ANK3: variants seen among roughly 807,000 people sequenced by gnomAD.
ANK3 encodes the protein ankyrin 3.
A neutral mutation model predicts 370.9 loss-of-function variants in ANK3; 57 were observed. The ratio of observed to expected loss-of-function variants is 0.15; its 90% CI spans 0.12 to 0.19. The LOEUF is 0.19. ANK3 is among the 10% of genes least tolerant of loss of function. The pLI, the probability that ANK3 is intolerant of heterozygous loss-of-function variation, is 1.00. For synonymous variants in ANK3, 1,929 were observed against 1,946.3 expected (o/e 0.99, Z 0.23); for missense variants, 4,439 against 5,302.1 (o/e 0.84, Z 5.06).
At position 60,325,753 on chromosome 10, in the gene ANK3, A is replaced by T. The variant is rs149549736; in HGVS notation, c.115-46114T>A. Among the ~76,000 whole-genome samples, 761 of 152,324 alleles carry T rather than the reference A, an allele frequency of 5.0e-3. 6 individuals carry two copies. Among genetic ancestry groups the T allele is most frequent in the African/African-American group, 0.018 (734 of 41,570 alleles). The stretch of plus-strand genomic sequence containing the variant: ...CTCAAAGACCTAAAGCAGAAACATC[A>T]TTTGACCCAGCAATCCCATTACTGG... On this transcript the variant is annotated intron_variant, in intron 1 of 43. Transcript: ENST00000280772.
At chr10:60,206,535 G>A (rs373610880) in intron 10 of ANK3, among the ~76,000 whole-genome samples, 1 of 151,928 alleles carries the variant, frequency 6.6e-6, no homozygotes, top group Non-Finnish European at 1.5e-5. Flanking sequence ...GACTGAAAAC[G>A]TCTGGCCCCA....
intron 1 of ANK3, among the ~76,000 whole-genome samples, chr10:60,347,891 A>G (rs1286777668): frequency 6.6e-6 from 1 of 152,126 alleles, no homozygotes; most frequent in East Asian, 1.9e-4. Flanking sequence ...CCACTGCCTT[A>G]AACTCTCAAT....
intron 7 of ANK3, among the ~76,000 whole-genome samples, chr10:60,238,336 T>C (rs755845515): frequency 6.6e-6 from 1 of 152,210 alleles, no homozygotes; most frequent in Non-Finnish European, 1.5e-5. Flanking sequence ...CATTTACTGC[T>C]GGTGAAATGT....
chr10:60,391,040 T>C (rs935251149), upstream of ANK3, among the ~76,000 whole-genome samples: 1 of 152,158 alleles, frequency 6.6e-6, no homozygotes, highest in Non-Finnish European at 1.5e-5. Context: ...TTACTCACCA[T>C]ACTTCTAGAT....
chr10:60,622,848 G>C (rs1195667326), intron 1 of ANK3, among the ~76,000 whole-genome samples: 3 of 152,104 alleles, frequency 2.0e-5, no homozygotes, highest in African/African-American at 7.2e-5. Context: ...AAATCCTTTA[G>C]GTTAGATTCT....
In ANK3 at chr10:60,027,124, T is replaced by A. The variant is rs372257068; in HGVS notation, c.*2722A>T. ...ACCTAAAGTCAAATTTTTGGGCATA[T>A]AAACACAACTATTTAATACCTAAAC... is the stretch of plus-strand genomic sequence containing the variant. On this transcript the variant is annotated 3_prime_UTR_variant, in exon 44 of 44. Transcript: ENST00000280772. The A allele has an allele frequency of 6.6e-6, 1 of 152,108 alleles. No homozygotes were observed. The highest frequency in any genetic ancestry group is 2.4e-5 in the African/African-American group (1 of 41,422). 9.4% of individuals were successfully genotyped at this position (152,108 alleles called of 1,614,324 possible). A position where few individuals can be genotyped will look rare whatever the true frequency, so the allele number is the denominator to read the frequency against.
intron 2 of ANK3, among the ~76,000 whole-genome samples, chr10:60,464,204 A>C (rs1368235479): frequency 6.6e-6 from 1 of 152,180 alleles, no homozygotes; most frequent in Admixed American, 6.5e-5. Context: ...TCACAGAGCT[A>C]ATCAAGAGGT....
At chr10:60,240,966 TA>T (rs1172277423) in intron 7 of ANK3, among the ~76,000 whole-genome samples, 1 of 152,216 alleles carries the variant, frequency 6.6e-6, no homozygotes, top group Non-Finnish European at 1.5e-5. Flanking sequence ...CATGCTTTTC[TA>T]AAAAATTTCT....
intron 2 of ANK3, among the ~76,000 whole-genome samples, chr10:60,541,341 T>C (rs1482299748): frequency 6.6e-6 from 1 of 151,996 alleles, no homozygotes; most frequent in East Asian, 1.9e-4. Flanking sequence ...GGCATCACTT[T>C]TCTAATCAGT....
chr10:60,328,500 T>C (rs939538964), intron 1 of ANK3, among the ~76,000 whole-genome samples: 2 of 152,144 alleles, frequency 1.3e-5, no homozygotes, highest in Non-Finnish European at 2.9e-5. Context: ...ATTAAATCAA[T>C]GTTTATGTAC....
At chr10:60,250,644 CA>C (rs1370089650) in intron 7 of ANK3, among the ~76,000 whole-genome samples, 1 of 152,158 alleles carries the variant, frequency 6.6e-6, no homozygotes, top group Non-Finnish European at 1.5e-5. Context: ...GGATTACGGG[CA>C]TGAGCCACCG....
intron 2 of ANK3, among the ~76,000 whole-genome samples, chr10:60,436,552 G>C (rs1382802045): frequency 6.6e-6 from 1 of 152,156 alleles, no homozygotes; most frequent in Non-Finnish European, 1.5e-5. Flanking sequence ...TTCCTTGATG[G>C]CTAAAGATGT....
At chr10:60,121,300 A>G (rs1411130087) in intron 25 of ANK3, among the ~76,000 whole-genome samples, 2 of 151,910 alleles carry the variant, frequency 1.3e-5, no homozygotes, top group Non-Finnish European at 2.9e-5. Context: ...TCGAAAGTAG[A>G]AAAATTGTTA....
At chr10:60,326,382 AG>A (rs1203692525) in intron 1 of ANK3, among the ~76,000 whole-genome samples, 1 of 152,198 alleles carries the variant, frequency 6.6e-6, no homozygotes, top group Non-Finnish European at 1.5e-5. Context: ...CTCAAGATCA[AG>A]GGGGAAGTTC....
chr10:60,082,551 G>A, intron 34 of ANK3, 64 bp downstream of exon 34: 1 of 1,574,710 alleles, frequency 6.4e-7, no homozygotes, highest in Non-Finnish European at 8.6e-7. Context: ...TTCCTTAATT[G>A]CATACCAAAG....
intron 7 of ANK3, among the ~76,000 whole-genome samples, chr10:60,249,839 C>T (rs1592462370): frequency 6.6e-6 from 1 of 152,148 alleles, no homozygotes; most frequent in Non-Finnish European, 1.5e-5. Context: ...CTCCCCACAA[C>T]CCAGCATGCC....
intron 2 of ANK3, among the ~76,000 whole-genome samples, chr10:60,481,064 C>T (rs2075201385): frequency 6.6e-6 from 1 of 152,136 alleles, no homozygotes; most frequent in Non-Finnish European, 1.5e-5. Context: ...TGAGATATTG[C>T]ATCTTGTGAA....
In ANK3 at chr10:60,389,618, T is replaced by C; in HGVS notation, c.-80A>G. The C allele has an allele frequency of 1.3e-6, 2 of 1,567,468 alleles. No individual in the cohort carries two copies. Among genetic ancestry groups the C allele is most frequent in the Non-Finnish European group, 1.7e-6 (2 of 1,162,182 alleles). On this transcript the variant is annotated 5_prime_UTR_variant, in exon 1 of 44. An upstream open reading frame in the 5' UTR loses its in-frame stop. Transcript: ENST00000280772. ...ATCCTCAGGCACCTCTAATCAGGCT[T>C]ACAGCAGCATTCCAATCACTAGAGA...
At position 60,075,072 on chromosome 10, in the gene ANK3, C is replaced by T. The variant is rs2083472037; in HGVS notation, c.5809G>A (p.Gly1937Arg). Reference sequence around the variant, plus strand: ...AAAGGTTCTTCATCATCTATTCTCCCTTCCTTTGGGAGTTCAGGTTGGAAT... The same window carrying T: ...AAAGGTTCTTCATCATCTATTCTCCTTTCCTTTGGGAGTTCAGGTTGGAAT... Reference protein sequence around the residue: ...KPFQPELPKEGRIDDEEPFKI... With the variant: ...KPFQPELPKERRIDDEEPFKI... Residue 1937 changes from glycine (G) to arginine (R), a missense_variant, in exon 37 of 44, where the codon GGG (glycine) becomes AGG (arginine). Around this residue, in one of 13 missense-constraint regions of ANK3, gnomAD observed 679 missense variants for 791.0 expected, o/e 0.86. Coordinates refer to ENST00000280772, the MANE Select transcript of ANK3 (RefSeq NM_020987.5). 3 of 1,613,924 alleles carry T rather than the reference C, an allele frequency of 1.9e-6. No individual in the cohort carries two copies. Among genetic ancestry groups the T allele is most frequent in the African/African-American group, 1.3e-5 (1 of 74,926 alleles).
Sources: gnomAD v4.1 joint callset for allele counts (sites outside exome capture counted in the v4.1 genomes callset) on GRCh38, gnomAD v4.1.1 for gene constraint, gnomAD v4.1.1 regional missense constraint, MANE v1.5 for transcripts, NCBI Gene and HGNC (gene_info 2026-07-23, HGNC 2026-07-21) for gene names.